SLIT2: variants seen among roughly 807,000 people sequenced by gnomAD.
SLIT2 encodes the protein slit guidance ligand 2, also known as slit homolog 2 protein.
Under a neutral mutation model 185.7 loss-of-function variants are expected in SLIT2, and 41 were observed. The observed-to-expected ratio is 0.22, with a 90% CI of 0.17 to 0.29. The LOEUF is 0.29. Among genes scored for constraint, SLIT2 ranks in the 10% least tolerant of loss-of-function variants. The probability of loss-of-function intolerance (pLI) is 1.00; values close to 1 mark genes in which losing one functional copy is unlikely to be tolerated. For synonymous variants in SLIT2, 693 were observed against 680.2 expected (o/e 1.02, Z -0.29); for missense variants, 1,571 against 1,909.0 (o/e 0.82, Z 3.30).
At position 20,487,064 on chromosome 4, in the gene SLIT2, T is replaced by G. The variant is rs183082337; in HGVS notation, c.611+793T>G. 1.8e-4 allele frequency among the ~76,000 whole-genome samples: 27 copies of G among 152,272 alleles called. No individual in the cohort carries two copies. The South Asian group carries it at 5.4e-3, about 30-fold the overall frequency. On this transcript the variant is annotated intron_variant, in intron 7 of 36. Transcript: ENST00000504154. ...TAGATTTTCAAAATACTCCTCATTT[T>G]CTGATAGCTTGTAACTGGAAAATAT...
At chr4:20,415,227 C>T (rs909078545) in intron 4 of SLIT2, among the ~76,000 whole-genome samples, 4 of 151,954 alleles carry the variant, frequency 2.6e-5, no homozygotes, top group Admixed American at 1.3e-4. Flanking sequence ...CTGGCTAACA[C>T]GGTGAAACCC....
rs1207755977 is a variant in SLIT2 at position 20,254,508 on chromosome 4, AG to A, written c.179+518del. Among the ~76,000 whole-genome samples, 2 of 151,928 alleles carry A rather than the reference AG, an allele frequency of 1.3e-5. No homozygotes were observed. The highest frequency in any genetic ancestry group is 4.8e-5 in the African/African-American group (2 of 41,368). On this transcript the variant is annotated intron_variant, in intron 1 of 36. Transcript: ENST00000504154. The surrounding 1 kb of genome is among the most constrained non-coding windows in gnomAD (Gnocchi z 5.1). ...CTCCTGGGGGCGAAGGTTAGGAAGAAGGGGTCATGGAGTGCCTGGGGGTGCT... is the reference window on the plus strand; with the variant it reads ...CTCCTGGGGGCGAAGGTTAGGAAGAAGGGTCATGGAGTGCCTGGGGGTGCT...
chr4:20,381,199 G>A (rs984611696), intron 4 of SLIT2, among the ~76,000 whole-genome samples: 2 of 152,118 alleles, frequency 1.3e-5, no homozygotes, highest in African/African-American at 4.8e-5. Context: ...GTTGCAGTGA[G>A]CTGAGGTTGC....
chr4:20,356,047 A>G (rs558141299), intron 4 of SLIT2, among the ~76,000 whole-genome samples: 2 of 152,300 alleles, frequency 1.3e-5, no homozygotes, highest in African/African-American at 2.4e-5. Flanking sequence ...AACAAGATAA[A>G]TGATTATGAA....
chr4:20,450,370 G>T (rs1712335661), intron 4 of SLIT2, among the ~76,000 whole-genome samples: 1 of 151,972 alleles, frequency 6.6e-6, no homozygotes, highest in South Asian at 2.1e-4. Flanking sequence ...TCTTATATTG[G>T]AATTTTGTAT....
At chr4:20,303,516 G>T (rs1717252530) in intron 4 of SLIT2, among the ~76,000 whole-genome samples, 1 of 151,942 alleles carries the variant, frequency 6.6e-6, no homozygotes. Flanking sequence ...AGAAATGAAA[G>T]ACAGATGCCT....
At chr4:20,523,618 T>G in intron 12 of SLIT2, 142 bp from the exon 13 acceptor site, 1 of 673,150 alleles carries the variant, frequency 1.5e-6, no homozygotes, top group South Asian at 1.9e-5. Context: ...AGCCTCTAAT[T>G]CCTAAATTAT....
At chr4:20,382,718 C>G (rs921399762) in intron 4 of SLIT2, among the ~76,000 whole-genome samples, 2 of 152,066 alleles carry the variant, frequency 1.3e-5, no homozygotes, top group Non-Finnish European at 2.9e-5. Flanking sequence ...TGTATCAGTT[C>G]TGTACCAAGT....
rs1241732134 is a variant in SLIT2 at position 20,472,437 on chromosome 4, GATATATATCTATATAGAT to G, written c.467+4619_467+4636del. 2.6e-4 allele frequency among the ~76,000 whole-genome samples: 10 copies of G among 38,478 alleles called. 1 individual carries two copies. Among genetic ancestry groups the G allele is most frequent in the African/African-American group, 1.1e-3 (10 of 9,402 alleles). 25.2% of individuals were successfully genotyped at this position (38,478 alleles called of 152,430 possible). ...ATATCTATATATATAGATATCTATA[GATATATATCTATATAGAT>G]ATATCTATATCTATATATAGATATA... On this transcript the variant is annotated intron_variant, in intron 5 of 36. Transcript: ENST00000504154.
At chr4:20,318,646 T>C (rs891221298) in intron 4 of SLIT2, among the ~76,000 whole-genome samples, 2 of 152,036 alleles carry the variant, frequency 1.3e-5, no homozygotes, top group Non-Finnish European at 2.9e-5. Flanking sequence ...CATTTTTTTT[T>C]CCTTCTCAGT....
chr4:20,426,135 T>C (rs765954285), intron 4 of SLIT2, among the ~76,000 whole-genome samples: 14 of 152,164 alleles, frequency 9.2e-5, no homozygotes, highest in Non-Finnish European at 1.5e-5. Flanking sequence ...TGTAGTGTGG[T>C]ACCTAACACA....
intron 11 of SLIT2, among the ~76,000 whole-genome samples, chr4:20,514,843 G>C (rs1560491618): frequency 6.6e-6 from 1 of 151,184 alleles, no homozygotes; most frequent in African/African-American, 2.4e-5. Context: ...TTGTTACATA[G>C]TATAATATGC....
chr4:20,354,244 CA>C (rs199997355), intron 4 of SLIT2, among the ~76,000 whole-genome samples: 1 of 146,974 alleles, frequency 6.8e-6, no homozygotes. Flanking sequence ...TTCCTTTCTG[CA>C]AAAAAAAATC....
chr4:20,354,884 TGC>T (rs1722182578), intron 4 of SLIT2, among the ~76,000 whole-genome samples: 8 of 47,108 alleles, frequency 1.7e-4, no homozygotes, highest in African/African-American at 4.3e-4. Context: ...GTGGCAAGTC[TGC>T]GTGTGTGTGT....
At chr4:20,463,468 T>G (rs868572836) in intron 4 of SLIT2, among the ~76,000 whole-genome samples, 24 of 85,118 alleles carry the variant, frequency 2.8e-4, no homozygotes, top group Admixed American at 4.9e-4. Flanking sequence ...TATATATATA[T>G]ATATATATAT....
At chr4:20,374,097 C>T (rs926547556) in intron 4 of SLIT2, among the ~76,000 whole-genome samples, 2 of 152,038 alleles carry the variant, frequency 1.3e-5, no homozygotes, top group Non-Finnish European at 2.9e-5. Flanking sequence ...CATCACTTCC[C>T]TGTGCCTCAT....
intron 3 of SLIT2, among the ~76,000 whole-genome samples, chr4:20,264,537 C>T (rs561435898): frequency 8.6e-4 from 130 of 151,812 alleles, no homozygotes; most frequent in African/African-American, 2.6e-3. Flanking sequence ...AGGTGAAAGT[C>T]GCAAAAAGTA....
intron 9 of SLIT2, among the ~76,000 whole-genome samples, chr4:20,508,842 G>C: frequency 6.6e-6 from 1 of 152,034 alleles, no homozygotes; most frequent in East Asian, 1.9e-4. Flanking sequence ...GAAAACTGAG[G>C]AAACCCATTG....
chr4:20,542,442 G>A, intron 20 of SLIT2, 52 bp from the exon 21 acceptor site: 3 of 1,592,840 alleles, frequency 1.9e-6, no homozygotes, highest in Non-Finnish European at 2.6e-6. Context: ...ATCCCTTCTA[G>A]CACCTTCAAG....
Sources: allele counts gnomAD v4.1 joint callset (sites outside exome capture counted in the v4.1 genomes callset), GRCh38; gene constraint gnomAD v4.1.1; non-coding constraint Gnocchi (gnomAD v3.1); transcripts MANE v1.5; gene names NCBI Gene and HGNC (gene_info 2026-07-23, HGNC 2026-07-21).